RSRC1: variants seen among roughly 807,000 people sequenced by gnomAD.
RSRC1 encodes arginine and serine rich coiled-coil 1.
A neutral mutation model predicts 49.1 loss-of-function variants in RSRC1; 39 were observed. The ratio of observed to expected loss-of-function variants is 0.79; its 90% confidence interval spans 0.61 to 1.04. The LOEUF is 1.04. Ranked by LOEUF, RSRC1 falls within the 50% of genes least tolerant of loss-of-function variation. The pLI, the probability that RSRC1 is intolerant of heterozygous loss-of-function variation, is 0.00. For missense variants in RSRC1, 388 were observed against 402.4 expected, an observed-to-expected ratio of 0.96 and a Z score of 0.31; for synonymous variants, 143 against 130.8, an observed-to-expected ratio of 1.09 and a Z score of -0.63.
chr3:158,429,098 G>A (rs1033869276), intron 6 of RSRC1, among the ~76,000 whole-genome samples: 1 of 151,818 alleles, frequency 6.6e-6, no homozygotes, highest in Non-Finnish European at 1.5e-5. Flanking sequence ...TGTTGATTTA[G>A]GCATCATTAT....
At chr3:158,425,165 T>G (rs1040150518) in intron 6 of RSRC1, among the ~76,000 whole-genome samples, 1 of 152,030 alleles carries the variant, frequency 6.6e-6, no homozygotes, top group Non-Finnish European at 1.5e-5. Context: ...CTTTTAATTG[T>G]GATGTTAGGG....
intron 5 of RSRC1, among the ~76,000 whole-genome samples, chr3:158,343,438 T>C (rs1233279255): frequency 6.6e-6 from 1 of 151,906 alleles, no homozygotes; most frequent in East Asian, 1.9e-4. Flanking sequence ...AAATATAACA[T>C]ATATTAAAGA....
chr3:158,210,446 A>G (rs1220968155), intron 4 of RSRC1, among the ~76,000 whole-genome samples: 3 of 151,080 alleles, frequency 2.0e-5, no homozygotes, highest in Non-Finnish European at 4.4e-5. Context: ...TATCGAAAGT[A>G]TACCTTTAAC....
intron 7 of RSRC1, among the ~76,000 whole-genome samples, chr3:158,495,121 T>C (rs1739262519): frequency 6.6e-6 from 1 of 152,164 alleles, no homozygotes; most frequent in African/African-American, 2.4e-5. Flanking sequence ...CACTGGGCAA[T>C]AGGAATTTTC....
chr3:158,474,632 G>A (rs1221751489), intron 7 of RSRC1, among the ~76,000 whole-genome samples: 1 of 152,170 alleles, frequency 6.6e-6, no homozygotes, highest in African/African-American at 2.4e-5. Context: ...TTCAAAAGTT[G>A]GAGTCAATCC....
intron 3 of RSRC1, among the ~76,000 whole-genome samples, chr3:158,124,806 C>G (rs1003557891): frequency 7.2e-6 from 1 of 138,636 alleles, no homozygotes; most frequent in Non-Finnish European, 1.5e-5. Flanking sequence ...GGTATTTTTT[C>G]TTTTTCTTTC....
intron 7 of RSRC1, among the ~76,000 whole-genome samples, chr3:158,507,698 T>A (rs931085416): frequency 6.6e-6 from 1 of 152,144 alleles, no homozygotes; most frequent in African/African-American, 2.4e-5. Context: ...CTCTATTGTT[T>A]AAAAAAATAC....
intron 7 of RSRC1, among the ~76,000 whole-genome samples, chr3:158,515,833 CTTCATTTCA>C (rs1740490425): frequency 6.6e-6 from 1 of 152,144 alleles, no homozygotes; most frequent in Admixed American, 6.5e-5. Context: ...TCCCTTCTTA[CTTCATTTCA>C]TTCATTTCAT....
At chr3:158,481,793 CTT>C (rs1267166323) in intron 7 of RSRC1, among the ~76,000 whole-genome samples, 4 of 152,140 alleles carry the variant, frequency 2.6e-5, no homozygotes, top group South Asian at 4.1e-4. Flanking sequence ...TTTCTATACT[CTT>C]ATTCCATTTT....
chr3:158,370,146 G>A (rs1731987404), intron 6 of RSRC1, among the ~76,000 whole-genome samples: 1 of 151,828 alleles, frequency 6.6e-6, no homozygotes, highest in Non-Finnish European at 1.5e-5. Flanking sequence ...TATATCATTT[G>A]TATTGGTATT....
chr3:158,400,284 G>A lies in RSRC1; in HGVS notation c.583+45376G>A, dbSNP rs561239539. 2.6e-5 allele frequency among the ~76,000 whole-genome samples: 4 copies of A among 152,170 alleles called. No individual in the cohort carries two copies. The South Asian group carries it at 8.3e-4, about 32-fold the overall frequency. ...TGCTGGTATAAACAAACTTCCTGCA[G>A]TGCCAGTTGTATATAAATATAGCAC... On this transcript the variant is annotated intron_variant, in intron 6 of 9. Coordinates refer to ENST00000611884, the MANE Select transcript of RSRC1 (RefSeq NM_001271838.2).
intron 6 of RSRC1, among the ~76,000 whole-genome samples, chr3:158,378,532 A>G (rs919636959): frequency 9.2e-5 from 14 of 152,246 alleles, no homozygotes; most frequent in Non-Finnish European, 1.6e-4. Context: ...GGATAGACCC[A>G]AATTGTAACT....
chr3:158,163,875 A>C (rs1289860095), intron 3 of RSRC1, among the ~76,000 whole-genome samples: 1 of 152,062 alleles, frequency 6.6e-6, no homozygotes, highest in South Asian at 2.1e-4. Context: ...CACCGTGAAA[A>C]GTAAATAGAA....
At chr3:158,235,586 A>ACAAAATGATGAGTTCG (rs1723194627) in intron 4 of RSRC1, among the ~76,000 whole-genome samples, 2 of 152,012 alleles carry the variant, frequency 1.3e-5, no homozygotes, top group Non-Finnish European at 2.9e-5. Context: ...TGATGAGTTC[A>ACAAAATGATGAGTTCG]TATATATTTT....
At chr3:158,288,698 T>G (rs1520661) in intron 4 of RSRC1, among the ~76,000 whole-genome samples, 3,269 of 152,292 alleles carry the variant, frequency 0.021, 121 homozygotes, top group African/African-American at 0.075. Context: ...TGTCTATAAT[T>G]TATGTATTAT....
At chr3:158,468,101 T>A (rs1489369219) in intron 7 of RSRC1, among the ~76,000 whole-genome samples, 1 of 152,092 alleles carries the variant, frequency 6.6e-6, no homozygotes, top group African/African-American at 2.4e-5. Context: ...GCCCGGCTAA[T>A]TTTTTGTATT....
At chr3:158,375,676 C>T (rs1732320121) in intron 6 of RSRC1, among the ~76,000 whole-genome samples, 1 of 152,068 alleles carries the variant, frequency 6.6e-6, no homozygotes, top group Non-Finnish European at 1.5e-5. Context: ...TATCTAGAAA[C>T]ATAGTGATGT....
chr3:158,129,870 G>A (rs1715898436), intron 3 of RSRC1, among the ~76,000 whole-genome samples: 1 of 152,170 alleles, frequency 6.6e-6, no homozygotes, highest in African/African-American at 2.4e-5. Flanking sequence ...TAGAATAGGA[G>A]TATTGACATC....
At chr3:158,429,314 A>G (rs946615128) in intron 6 of RSRC1, among the ~76,000 whole-genome samples, 15 of 150,444 alleles carry the variant, frequency 1.0e-4, no homozygotes, top group African/African-American at 3.7e-4. Flanking sequence ...ACTCTCCGTC[A>G]GTTAACCTGG....
Sources: allele counts gnomAD v4.1 joint callset (sites outside exome capture counted in the v4.1 genomes callset), GRCh38; gene constraint gnomAD v4.1.1; transcripts MANE v1.5; gene names NCBI Gene and HGNC (gene_info 2026-07-23, HGNC 2026-07-21).